The following PIK3R6 variants were observed in gnomAD, a reference collection of about 807,000 sequenced individuals.
PIK3R6 encodes phosphoinositide 3-kinase regulatory subunit 6.
Under a neutral mutation model 84.9 loss-of-function variants are expected in PIK3R6, and 91 were observed. That is an observed-to-expected ratio of 1.07 (90% CI 0.90 to 1.28). The LOEUF (loss-of-function observed/expected upper bound fraction) is 1.28. Among genes scored for constraint, PIK3R6 ranks in the 50% most tolerant of loss-of-function variants. The pLI is 0.00. For synonymous variants in PIK3R6, 416 were observed against 411.4 expected (o/e 1.01, Z -0.13); for missense variants, 996 against 985.1 (o/e 1.01, Z -0.15).
In PIK3R6 at chr17:8,814,215, C is replaced by CTTTTTTTTTTT. The variant is rs112750429; in HGVS notation, c.1995+4857_1995+4867dup. ...TCCACTCTTTAGTTCAGAGAGAGAT[C>CTTTTTTTTTTT]TTTTTTTTTTTTTTTTTTTTTTGAG... On this transcript the variant is annotated intron_variant, in intron 18 of 19. Transcript: ENST00000619866. Among the ~76,000 whole-genome samples, 33 of 85,536 alleles carry CTTTTTTTTTTT rather than the reference C, an allele frequency of 3.9e-4. 1 individual carries two copies. The highest frequency in any genetic ancestry group is 1.0e-3 in the African/African-American group (21 of 20,618). The allele number at this position is 85,536 out of a possible 152,430, so 56.1% of individuals were successfully genotyped here. A position where few individuals can be genotyped will look rare whatever the true frequency, so the allele number is the denominator to read the frequency against.
In PIK3R6 at chr17:8,836,615, C is replaced by G; in HGVS notation, c.393G>C (p.Gly131=). 1 of 1,613,974 alleles carries G rather than the reference C, an allele frequency of 6.2e-7. No homozygotes were observed. Among genetic ancestry groups the G allele is most frequent in the South Asian group, 1.1e-5 (1 of 91,068 alleles). The part of the protein sequence containing the change: ...IRLKTEMAVP[G]TLYQRMVIAE... The stretch of plus-strand genomic sequence containing the variant: ...CAATGACCATCCTTTGGTACAGTGT[C>G]CCTGCAAACCAGACCACTTTGGCCA... The change falls in exon 7 of 20, where the codon GGG becomes GGC. Residue 131 remains glycine (G), a splice_region_variant and synonymous_variant. Transcript: ENST00000619866.
At chr17:8,804,277 C>T in intron 18 of PIK3R6, 124 bp from the exon 19 acceptor site, 1 of 734,218 alleles carries the variant, frequency 1.4e-6, no homozygotes. Flanking sequence ...AGCTCTCCTC[C>T]TGCAAGTGAC....
At chr17:8,853,841 T>C (rs1377159570) in intron 1 of PIK3R6, among the ~76,000 whole-genome samples, 2 of 151,822 alleles carry the variant, frequency 1.3e-5, no homozygotes, top group Non-Finnish European at 2.9e-5. Flanking sequence ...CATGCGCCTG[T>C]AGTCCCAGCT....
chr17:8,816,115 T>C (rs2087531448), intron 18 of PIK3R6, among the ~76,000 whole-genome samples: 1 of 152,150 alleles, frequency 6.6e-6, no homozygotes, highest in Non-Finnish European at 1.5e-5. Flanking sequence ...AGGGGGTCAG[T>C]GAACCCAATA....
At chr17:8,857,590 A>AC (rs1003861782) in intron 1 of PIK3R6, among the ~76,000 whole-genome samples, 2 of 152,232 alleles carry the variant, frequency 1.3e-5, no homozygotes, top group African/African-American at 4.8e-5. Flanking sequence ...AGTGTAAGAT[A>AC]CCAGGAATTT....
At position 8,827,280 on chromosome 17, in the gene PIK3R6, G is replaced by A. The variant is rs2087952878; in HGVS notation, c.1407C>T (p.Ser469=). 6.4e-7 allele frequency: 1 copy of A among 1,556,884 alleles called. No homozygotes were observed. Among genetic ancestry groups the A allele is most frequent in the African/African-American group, 1.4e-5 (1 of 73,294 alleles). ...CCAGCTCTCCCAGCTCCGGCTGCCTGGATGCTGCAGGCTTCTGGGGGAAAG... is the reference window on the plus strand; with the variant it reads ...CCAGCTCTCCCAGCTCCGGCTGCCTAGATGCTGCAGGCTTCTGGGGGAAAG... ...PVLAPEKPAA[S]RQPELGELAT... is the part of the protein sequence containing the mutation. Residue 469 remains serine (S), a synonymous_variant, in exon 13 of 20, where the codon TCC becomes TCT. Coordinates refer to ENST00000619866, the MANE Select transcript of PIK3R6 (RefSeq NM_001010855.4).
At chr17:8,857,511 C>T (rs1407829734) in intron 1 of PIK3R6, among the ~76,000 whole-genome samples, 1 of 152,082 alleles carries the variant, frequency 6.6e-6, no homozygotes, top group Non-Finnish European at 1.5e-5. Context: ...TCTGGGGCGG[C>T]CTGGGTTAAT....
chr17:8,822,040 T>C, intron 16 of PIK3R6, 104 bp from the exon 17 acceptor site: 1 of 751,954 alleles, frequency 1.3e-6, no homozygotes, highest in Non-Finnish European at 2.1e-6. Flanking sequence ...TTTCCACCCC[T>C]GCTGTGAGAG....
rs576899880 is a variant in PIK3R6 at position 8,862,780 on chromosome 17, C to T, written c.-92+4749G>A. On this transcript the variant is annotated intron_variant, in intron 1 of 19. Coordinates refer to ENST00000619866, the MANE Select transcript of PIK3R6 (RefSeq NM_001010855.4). This position sits in a 1 kb window ranked among gnomAD's most constrained non-coding sequence, Gnocchi z 4.3. ...TACAGGACAGCAATACACCATCCTC[C>T]GCCCACAGTCAGCAAGACTCCTGGC... Among the ~76,000 whole-genome samples the T allele has an allele frequency of 5.3e-4, 80 of 152,288 alleles. 1 individual carries two copies. The South Asian group carries it at 0.011, about 21-fold the overall frequency.
chr17:8,835,665 G>A (rs931806281), intron 7 of PIK3R6, among the ~76,000 whole-genome samples: 3 of 152,164 alleles, frequency 2.0e-5, no homozygotes, highest in Admixed American at 1.3e-4. Flanking sequence ...CCCTTCTAGA[G>A]GGGCAGCTCT....
At chr17:8,836,490 C>T (rs1169655404) in intron 7 of PIK3R6, 57 bp downstream of exon 7, 1 of 1,591,260 alleles carries the variant, frequency 6.3e-7, no homozygotes, top group Admixed American at 1.7e-5. Context: ...GGAGCAGTCA[C>T]TAAAGCCACA....
intron 18 of PIK3R6, 41 bp downstream of exon 18, chr17:8,819,042 C>T: frequency 6.9e-7 from 1 of 1,448,324 alleles, no homozygotes; most frequent in East Asian, 2.5e-5. Context: ...TACTGCTGTC[C>T]CAGCTGGCTG....
intron 1 of PIK3R6, among the ~76,000 whole-genome samples, chr17:8,859,193 T>C (rs746466808): frequency 6.6e-6 from 1 of 152,258 alleles, no homozygotes; most frequent in Non-Finnish European, 1.5e-5. Flanking sequence ...TTTGGGTGGC[T>C]GAGGTTGGTG....
intron 13 of PIK3R6, among the ~76,000 whole-genome samples, chr17:8,825,469 G>A (rs1406401144): frequency 6.6e-6 from 1 of 152,116 alleles, no homozygotes; most frequent in Non-Finnish European, 1.5e-5. Flanking sequence ...TGAGAGCATA[G>A]GTATGTACTA....
At chr17:8,860,504 G>A (rs945443653) in intron 1 of PIK3R6, among the ~76,000 whole-genome samples, 5 of 136,914 alleles carry the variant, frequency 3.7e-5, no homozygotes, top group African/African-American at 1.4e-4. Context: ...CCCCTTCCGT[G>A]GAAAAATTGC....
chr17:8,832,766 C>A, intron 9 of PIK3R6, 123 bp downstream of exon 9: 1 of 1,457,152 alleles, frequency 6.9e-7, no homozygotes, highest in Non-Finnish European at 9.3e-7. Context: ...TCCCCAGGCT[C>A]CTGGGAGTCG....
At chr17:8,829,137 A>T in intron 10 of PIK3R6, 147 bp from the exon 11 acceptor site, 1 of 699,880 alleles carries the variant, frequency 1.4e-6, no homozygotes, top group Non-Finnish European at 2.2e-6. Flanking sequence ...ACAGAGACTC[A>T]CACACAGAGA....
chr17:8,854,439 G>A (rs200849333), intron 1 of PIK3R6, among the ~76,000 whole-genome samples: 1 of 152,134 alleles, frequency 6.6e-6, no homozygotes. Flanking sequence ...GAGCCACCAC[G>A]CTCAGCTTCG....
chr17:8,853,626 G>A (rs534017881), intron 1 of PIK3R6, among the ~76,000 whole-genome samples: 4 of 151,812 alleles, frequency 2.6e-5, no homozygotes, highest in Non-Finnish European at 5.9e-5. Flanking sequence ...AATAAATGGA[G>A]AGAAATACTG....
Sources: gnomAD v4.1 joint callset for allele counts (sites outside exome capture counted in the v4.1 genomes callset) on GRCh38, gnomAD v4.1.1 for gene constraint, Gnocchi (gnomAD v3.1) non-coding constraint, MANE v1.5 for transcripts, NCBI Gene and HGNC (gene_info 2026-07-23, HGNC 2026-07-21) for gene names.